The following MRPS27 variants were observed in gnomAD, a reference collection of about 807,000 sequenced individuals.
MRPS27 encodes the protein mitochondrial ribosomal protein S27.
MRPS27 carries 43 observed loss-of-function variants against 48.9 expected under a neutral mutation model. The observed-to-expected ratio is 0.88, with a 90% CI of 0.69 to 1.13. The LOEUF is 1.13. Ranked by LOEUF, MRPS27 falls within the 50% of genes most tolerant of loss-of-function variation. The pLI is 0.00. For synonymous variants in MRPS27, 188 were observed against 171.9 expected, an observed-to-expected ratio of 1.09 and a Z score of -0.73; for missense variants, 467 against 476.3, an observed-to-expected ratio of 0.98 and a Z score of 0.18.
chr5:72,238,756 C>T (rs1360136980), intron 4 of MRPS27, among the ~76,000 whole-genome samples: 1 of 152,170 alleles, frequency 6.6e-6, no homozygotes, highest in African/African-American at 2.4e-5. Context: ...CTATAGCTCC[C>T]CACAGGGTCT....
intron 4 of MRPS27, among the ~76,000 whole-genome samples, chr5:72,250,092 T>C (rs2111981430): frequency 6.6e-6 from 1 of 152,364 alleles, no homozygotes; most frequent in East Asian, 1.9e-4. Context: ...TAATTTCCCA[T>C]GTATATAACA....
chr5:72,272,537 A>G (rs974199352), intron 4 of MRPS27, among the ~76,000 whole-genome samples: 1 of 152,212 alleles, frequency 6.6e-6, no homozygotes. Flanking sequence ...TGTTGTCACA[A>G]TTCGATACTG....
At chr5:72,307,881 AAAG>A (rs1750317614) in intron 2 of MRPS27, 1 of 152,368 alleles carries the variant, frequency 6.6e-6, no homozygotes. Context: ...AAAGTATTTT[AAAG>A]AAGAAATCGA....
intron 5 of MRPS27, among the ~76,000 whole-genome samples, chr5:72,235,826 G>A (rs964653587): frequency 1.3e-5 from 2 of 152,096 alleles, no homozygotes; most frequent in Non-Finnish European, 2.9e-5. Flanking sequence ...AGGCACCAGA[G>A]GAATCTGAGA....
chr5:72,226,929 T>G (rs1340374260), intron 8 of MRPS27: 1 of 152,180 alleles, frequency 6.6e-6, no homozygotes, highest in East Asian at 1.9e-4. Flanking sequence ...ATGACCAAAG[T>G]CACCTTGAGC....
chr5:72,235,701 A>T (rs1748184569), intron 5 of MRPS27, among the ~76,000 whole-genome samples: 1 of 152,162 alleles, frequency 6.6e-6, no homozygotes. Flanking sequence ...GTTAAGTTAA[A>T]GATACTGAAA....
intron 4 of MRPS27, among the ~76,000 whole-genome samples, chr5:72,265,770 A>G (rs758338955): frequency 6.6e-6 from 1 of 152,260 alleles, no homozygotes; most frequent in Non-Finnish European, 1.5e-5. Flanking sequence ...CCAAGAAGCC[A>G]TTAATATAAC....
At position 72,246,776 on chromosome 5, in the gene MRPS27, T is replaced by C. The variant is rs576247558; in HGVS notation, c.282-8648A>G. 4.6e-5 allele frequency among the ~76,000 whole-genome samples: 7 copies of C among 152,324 alleles called. No homozygotes were observed. In the South Asian group the frequency reaches 1.4e-3, roughly 32 times the overall value. On this transcript the variant is annotated intron_variant, in intron 4 of 10. Coordinates refer to ENST00000261413, the MANE Select transcript of MRPS27 (RefSeq NM_015084.3). The stretch of plus-strand genomic sequence containing the variant: ...TTACTTTATAGAGGAGGAATCTTGA[T>C]GTATATAGTGAGATAAAATGATTTC...
chr5:72,318,100 C>T (rs1000601856), intron 1 of MRPS27, among the ~76,000 whole-genome samples: 9 of 152,226 alleles, frequency 5.9e-5, no homozygotes, highest in African/African-American at 2.2e-4. Context: ...TGTTGGGCCA[C>T]ATTCAAAACT....
intron 4 of MRPS27, chr5:72,241,605 A>T (rs1311491382): frequency 6.6e-7 from 1 of 1,510,182 alleles, no homozygotes; most frequent in African/African-American, 1.4e-5. Flanking sequence ...AACTTCCAGT[A>T]GTAATATGTC....
At chr5:72,306,491 T>C (rs1750273584) in intron 2 of MRPS27, among the ~76,000 whole-genome samples, 1 of 152,066 alleles carries the variant, frequency 6.6e-6, no homozygotes, top group African/African-American at 2.4e-5. Flanking sequence ...AACACCACAA[T>C]AAGGATGAAA....
Position 72,226,105 on chromosome 5 carries a change from C to T in MRPS27, c.789G>A (p.Met263Ile), listed in dbSNP as rs1260336014. Residue 263 changes from methionine (M) to isoleucine (I), a missense_variant, in exon 9 of 11, where the codon ATG (methionine) becomes ATA (isoleucine). Transcript: ENST00000261413. ...PGYLDRALQV[M>I]EKVAASPEDI... ...CTTCTGGGGAGGCAGCCACTTTCTC[C>T]ATCACTTGAAGGGCTCTGTCAAGGT... 1 of 1,613,690 alleles carries T rather than the reference C, an allele frequency of 6.2e-7. No homozygotes were observed. Among genetic ancestry groups the T allele is most frequent in the Non-Finnish European group, 8.5e-7 (1 of 1,179,828 alleles).
chr5:72,248,760 A>C (rs1164076410), intron 4 of MRPS27, among the ~76,000 whole-genome samples: 2 of 150,096 alleles, frequency 1.3e-5, no homozygotes, highest in Non-Finnish European at 3.0e-5. Context: ...AACACCAGGG[A>C]GGCAAAATAT....
chr5:72,261,004 C>T (rs879431819), intron 4 of MRPS27, among the ~76,000 whole-genome samples: 4 of 152,040 alleles, frequency 2.6e-5, no homozygotes, highest in Non-Finnish European at 4.4e-5. Context: ...GCTGGGATTA[C>T]AGGCGTGTGT....
intron 4 of MRPS27, among the ~76,000 whole-genome samples, chr5:72,284,007 T>C (rs1749599587): frequency 6.6e-6 from 1 of 152,148 alleles, no homozygotes; most frequent in Non-Finnish European, 1.5e-5. Context: ...CCTTATAACA[T>C]TTACCAATTT....
intron 2 of MRPS27, among the ~76,000 whole-genome samples, chr5:72,306,923 C>G (rs983131882): frequency 1.3e-5 from 2 of 152,136 alleles, no homozygotes; most frequent in Non-Finnish European, 2.9e-5. Context: ...GTTTATTCTA[C>G]TCTCTCTACT....
chr5:72,320,032 C>T, intron 1 of MRPS27, 117 bp downstream of exon 1: 4 of 1,075,622 alleles, frequency 3.7e-6, no homozygotes, highest in Non-Finnish European at 1.4e-6. Context: ...CCAAACACCC[C>T]AAATGGCGTC....
Position 72,233,061 on chromosome 5 carries a change from A to G in MRPS27, c.476-503T>C, listed in dbSNP as rs80058344. 3.7e-3 allele frequency among the ~76,000 whole-genome samples: 565 copies of G among 152,232 alleles called. 1 individual carries two copies. The highest frequency in any genetic ancestry group is 0.013 in the African/African-American group (549 of 41,560). On this transcript the variant is annotated intron_variant, in intron 6 of 10. Coordinates refer to ENST00000261413, the MANE Select transcript of MRPS27 (RefSeq NM_015084.3). ...TGACTGCCCTATTCTCTGCTCTGGT[A>G]CCTTCTCACTGTTAAGGCAGAAGAG...
intron 4 of MRPS27, among the ~76,000 whole-genome samples, chr5:72,274,657 A>T (rs1749327620): frequency 1.3e-5 from 2 of 152,236 alleles, no homozygotes; most frequent in Admixed American, 1.3e-4. Context: ...GTTCATTAAC[A>T]ATTTTTATTA....
Sources: gnomAD v4.1 joint callset for allele counts (sites outside exome capture counted in the v4.1 genomes callset) on GRCh38, gnomAD v4.1.1 for gene constraint, MANE v1.5 for transcripts, NCBI Gene and HGNC (gene_info 2026-07-23, HGNC 2026-07-21) for gene names.